The following CABLES2 variants were observed in gnomAD, a reference collection of about 807,000 sequenced individuals.
CABLES2 encodes the protein CDK5 and ABL1 enzyme substrate 2.
A neutral mutation model predicts 44.8 loss-of-function variants in CABLES2; 35 were observed. That is an observed-to-expected ratio of 0.78 (90% CI 0.60 to 1.04). CABLES2 has a LOEUF of 1.04. CABLES2 is among the 50% of genes least tolerant of loss of function. The pLI, the probability that CABLES2 is intolerant of heterozygous loss-of-function variation, is 0.00. For missense variants in CABLES2, 566 were observed against 615.7 expected, an observed-to-expected ratio of 0.92 and a Z score of 0.85; for synonymous variants, 282 against 281.1, an observed-to-expected ratio of 1.00 and a Z score of -0.03.
At position 62,391,080 on chromosome 20, in the gene CABLES2, C is replaced by T. The variant is rs2146417121; in HGVS notation, c.1328G>A (p.Arg443His). 8 of 1,614,126 alleles carry T rather than the reference C, an allele frequency of 5.0e-6. No homozygotes were observed. The highest frequency in any genetic ancestry group is 5.9e-6 in the Non-Finnish European group (7 of 1,180,030). ...KLEERFRFNR[R>H]DLIGFEFTVL... is the part of the protein sequence containing the mutation. The stretch of plus-strand genomic sequence containing the variant: ...TGTGAACTCAAACCCTATCAGGTCG[C>T]GCCTGTTGAATCGAAACCTTTCTTC... The change falls in exon 10 of 10, where the codon CGC becomes CAC. Residue 443 changes from arginine (R) to histidine (H), a missense_variant. Physicochemically the swap from Arg to His is conservative, Grantham distance 29. Transcript: ENST00000279101. The surrounding 1 kb of genome is among the most constrained non-coding windows in gnomAD (Gnocchi z 5.7).
At position 62,392,503 on chromosome 20, in the gene CABLES2, A is replaced by C; in HGVS notation, c.985-8T>G. On this transcript the variant is annotated splice_polypyrimidine_tract_variant and splice_region_variant and intron_variant, in intron 7 of 9. Coordinates refer to ENST00000279101, the MANE Select transcript of CABLES2 (RefSeq NM_031215.3). ...GTATTCTATCACTGTGGTCTGCAAC[A>C]GAGAGTGGGCAGGGTTGGGCCGGCC... is the stretch of plus-strand genomic sequence containing the variant. The C allele has an allele frequency of 6.2e-7, 1 of 1,608,906 alleles. No homozygotes were observed. The highest frequency in any genetic ancestry group is 8.5e-7 in the Non-Finnish European group (1 of 1,175,258).
intron 1 of CABLES2, among the ~76,000 whole-genome samples, chr20:62,398,283 TGGTGATGGTGGC>T (rs1988119455): frequency 7.3e-6 from 1 of 136,530 alleles, no homozygotes; most frequent in Non-Finnish European, 1.6e-5. Context: ...GTGGTGGTGG[TGGTGATGGTGGC>T]GATGGTGATG....
At position 62,389,125 on chromosome 20, in the gene CABLES2, A is replaced by G. The variant is rs1987860405; in HGVS notation, c.*1846T>C. On this transcript the variant is annotated 3_prime_UTR_variant, in exon 10 of 10. Coordinates refer to ENST00000279101, the MANE Select transcript of CABLES2 (RefSeq NM_031215.3). ...TTGTAAACTGCAACAGTTACTAGGA[A>G]GTCAGTCCTTTACATGCTCGTAACA... The G allele has an allele frequency of 6.5e-6, 1 of 153,614 alleles. No homozygotes were observed. Among genetic ancestry groups the G allele is most frequent in the South Asian group, 2.0e-4 (1 of 4,960 alleles). The allele number at this position is 153,614 out of a possible 1,614,324, so 9.5% of individuals were successfully genotyped here.
intron 1 of CABLES2, 139 bp downstream of exon 1, chr20:62,406,776 G>T: frequency 2.5e-6 from 1 of 398,730 alleles, no homozygotes. Flanking sequence ...GGGCTGACAA[G>T]GCCCCAGGTC....
chr20:62,402,810 G>A (rs551093328), intron 1 of CABLES2: 57 of 152,394 alleles, frequency 3.7e-4, no homozygotes, highest in African/African-American at 1.3e-3. Flanking sequence ...GGTGTCCATT[G>A]CCCTCTGGGC....
intron 1 of CABLES2, among the ~76,000 whole-genome samples, chr20:62,398,059 T>C (rs1413891069): frequency 7.9e-4 from 62 of 78,810 alleles, no homozygotes; most frequent in African/African-American, 2.7e-3. Flanking sequence ...GTGATGGCGA[T>C]GGTGGTGGTG....
chr20:62,406,693 G>GACT, intron 1 of CABLES2, among the ~76,000 whole-genome samples: 1 of 47,138 alleles, frequency 2.1e-5, no homozygotes, highest in Non-Finnish European at 4.2e-5. Context: ...CAGGGGCTCA[G>GACT]GTCACCTGAA....
At position 62,391,466 on chromosome 20, in the gene CABLES2, A is replaced by T; in HGVS notation, c.1092-13T>A. 1 of 1,611,696 alleles carries T rather than the reference A, an allele frequency of 6.2e-7. No homozygotes were observed. Among genetic ancestry groups the T allele is most frequent in the East Asian group, 2.2e-5 (1 of 44,854 alleles). ...CTCCCGCTTTAAGCTGTGGGTTAAG[A>T]CAGAAGCCATGTCCCTGGGGGCTCT... is the stretch of plus-strand genomic sequence containing the variant. On this transcript the variant is annotated splice_polypyrimidine_tract_variant and intron_variant, in intron 8 of 9. Coordinates refer to ENST00000279101, the MANE Select transcript of CABLES2 (RefSeq NM_031215.3). This position sits in a 1 kb window ranked among gnomAD's most constrained non-coding sequence, Gnocchi z 5.7.
At chr20:62,404,185 A>G (rs1257037886) in intron 1 of CABLES2, 1 of 152,296 alleles carries the variant, frequency 6.6e-6, no homozygotes, top group African/African-American at 2.4e-5. Flanking sequence ...TGTCTCAAAA[A>G]AAAAGAGGCT....
intron 1 of CABLES2, among the ~76,000 whole-genome samples, chr20:62,398,171 AATGG>A (rs1988102492): frequency 4.3e-5 from 1 of 23,244 alleles, no homozygotes; most frequent in African/African-American, 2.9e-4. Flanking sequence ...TGATGGTGGT[AATGG>A]TGGTGGTGGT....
In CABLES2 at chr20:62,388,757, C is replaced by T; in HGVS notation, c.*2214G>A. On this transcript the variant is annotated 3_prime_UTR_variant, in exon 10 of 10. Transcript: ENST00000279101. Reference sequence around the variant, plus strand: ...TGCACACTGACATCCACAACTGCTACCGGTGCGGAAGCAACGCCAGGCCTG... The same window carrying T: ...TGCACACTGACATCCACAACTGCTATCGGTGCGGAAGCAACGCCAGGCCTG... 1 of 497,974 alleles carries T rather than the reference C, an allele frequency of 2.0e-6. No homozygotes were observed. The highest frequency in any genetic ancestry group is 3.6e-6 in the Non-Finnish European group (1 of 278,544). 30.8% of individuals were successfully genotyped at this position (497,974 alleles called of 1,614,324 possible). A position where few individuals can be genotyped will look rare whatever the true frequency, so the allele number is the denominator to read the frequency against.
At chr20:62,402,303 G>C (rs1988204279) in intron 1 of CABLES2, 1 of 152,246 alleles carries the variant, frequency 6.6e-6, no homozygotes, top group Non-Finnish European at 1.5e-5. Flanking sequence ...TGTAACGGAA[G>C]AAATGCCCAG....
Position 62,392,477 on chromosome 20 carries a change from C to G in CABLES2, c.1003G>C (p.Val335Leu). The G allele has an allele frequency of 6.2e-7, 1 of 1,613,906 alleles. No individual in the cohort carries two copies. The highest frequency in any genetic ancestry group is 8.5e-7 in the Non-Finnish European group (1 of 1,179,826). Residue 335 changes from valine to leucine, a missense_variant, in exon 8 of 10, where the codon GTG (valine) becomes CTG (leucine). Around this residue, in one of 2 missense-constraint regions of CABLES2, gnomAD observed 436 missense variants for 536.3 expected, o/e 0.81. Transcript: ENST00000279101. ...TCCTTTTTGAGGTCTGAGGGCTTCACGTATTCTATCACTGTGGTCTGCAAC... is the reference window on the plus strand; with the variant it reads ...TCCTTTTTGAGGTCTGAGGGCTTCAGGTATTCTATCACTGTGGTCTGCAAC... ...ASYMTTVIEY[V>L]KPSDLKKDMN...
At chr20:62,395,401 C>T (rs954862899) in intron 3 of CABLES2, among the ~76,000 whole-genome samples, 7 of 152,070 alleles carry the variant, frequency 4.6e-5, no homozygotes, top group African/African-American at 1.7e-4. Context: ...ATGGCGAGGC[C>T]AAGGGCTGCC....
rs1569014844 is a variant in CABLES2, at chr20:62,392,454, CT to C, written c.1025del (p.Lys342ArgfsTer3). ...TCTCCCTGAAGGTCTCGTTCATGTC[CT>C]TTTTGAGGTCTGAGGGCTTCACGTA... is the stretch of plus-strand genomic sequence containing the variant. ...IEYVKPSDLK[K>X]DMNETFREKF... On this transcript the variant is annotated frameshift_variant, in exon 8 of 10. Transcript: ENST00000279101. LOFTEE classifies it high-confidence loss of function. 1 of 1,614,028 alleles carries C rather than the reference CT, an allele frequency of 6.2e-7. No individual in the cohort carries two copies.
intron 5 of CABLES2, 147 bp from the exon 6 acceptor site, chr20:62,393,752 C>T (rs774760432): frequency 1.5e-4 from 120 of 806,120 alleles, no homozygotes; most frequent in Middle Eastern, 2.4e-4. Context: ...GTTGAGGCTG[C>T]GTCTGAGCTA....
chr20:62,392,380 T>C lies in CABLES2; in HGVS notation c.1091+9A>G, dbSNP rs1408524645. On this transcript the variant is annotated intron_variant, in intron 8 of 9. Transcript: ENST00000279101. ...AGGACGATGAGATGGTCTGAGAGGG[T>C]GTCCTCACCTCCTGATTTTGCTCAG... 1 of 1,598,060 alleles carries C rather than the reference T, an allele frequency of 6.3e-7. No homozygotes were observed. The highest frequency in any genetic ancestry group is 2.2e-5 in the East Asian group (1 of 44,770).
chr20:62,397,094 G>A (rs1325982485), intron 1 of CABLES2, among the ~76,000 whole-genome samples: 1 of 152,196 alleles, frequency 6.6e-6, no homozygotes, highest in East Asian at 1.9e-4. Flanking sequence ...CTGGCTTGCA[G>A]CTCCCTGCAC....
chr20:62,392,562 A>G (rs1215719988), intron 7 of CABLES2, 67 bp from the exon 8 acceptor site: 1 of 1,151,808 alleles, frequency 8.7e-7, no homozygotes, highest in Non-Finnish European at 1.3e-6. Context: ...CCTGCTGGGT[A>G]CGATGGATTT....
Sources: allele counts gnomAD v4.1 joint callset (sites outside exome capture counted in the v4.1 genomes callset), GRCh38; gene constraint gnomAD v4.1.1; regional missense constraint gnomAD v4.1.1; non-coding constraint Gnocchi (gnomAD v3.1); transcripts MANE v1.5; gene names NCBI Gene and HGNC (gene_info 2026-07-23, HGNC 2026-07-21).